Variants in SLC41A3 observed in about 807,000 individuals in gnomAD.
SLC41A3 encodes solute carrier family 41 member 3, also known as SLC41A1-like 2.
A neutral mutation model predicts 45.4 loss-of-function variants in SLC41A3; 44 were observed. The observed-to-expected ratio is 0.97, with a 90% CI of 0.76 to 1.25. SLC41A3 has a LOEUF of 1.25. Ranked by LOEUF, SLC41A3 falls within the 50% of genes most tolerant of loss-of-function variation. SLC41A3 has a pLI of 0.00. For synonymous variants in SLC41A3, 256 were observed against 252.4 expected (o/e 1.01, Z -0.13); for missense variants, 550 against 600.6 (o/e 0.92, Z 0.88).
intron 1 of SLC41A3, among the ~76,000 whole-genome samples, chr3:126,082,290 C>G (rs1945194581): frequency 6.6e-6 from 1 of 152,192 alleles, no homozygotes; most frequent in African/African-American, 2.4e-5. Context: ...AGGGAGGAGC[C>G]AAGATGCCAG....
intron 3 of SLC41A3, among the ~76,000 whole-genome samples, chr3:126,046,763 A>C (rs61222507): frequency 6.6e-6 from 1 of 151,166 alleles, no homozygotes; most frequent in Admixed American, 6.6e-5. Flanking sequence ...GGAGTTCAAG[A>C]CCAGCCTGGC....
intron 1 of SLC41A3, among the ~76,000 whole-genome samples, chr3:126,078,454 C>T (rs186623117): frequency 8.5e-5 from 13 of 152,188 alleles, no homozygotes; most frequent in African/African-American, 2.9e-4. Flanking sequence ...GCTGAGCTAT[C>T]GGCCGGCTCT....
chr3:126,040,020 G>A (rs1942478740), intron 3 of SLC41A3, among the ~76,000 whole-genome samples: 1 of 152,016 alleles, frequency 6.6e-6, no homozygotes, highest in African/African-American at 2.4e-5. Flanking sequence ...TTAGGGCCAG[G>A]GCAAGGAAAA....
chr3:126,055,860 C>G (rs1390512718), intron 2 of SLC41A3, among the ~76,000 whole-genome samples: 1 of 152,070 alleles, frequency 6.6e-6, no homozygotes, highest in African/African-American at 2.4e-5. Context: ...CCTTTTTTAC[C>G]AGGGGCCACG....
At chr3:126,042,194 G>A (rs1942638637) in intron 3 of SLC41A3, among the ~76,000 whole-genome samples, 1 of 152,158 alleles carries the variant, frequency 6.6e-6, no homozygotes, top group Non-Finnish European at 1.5e-5. Flanking sequence ...GGAAATGTAG[G>A]CCCATGCGTG....
chr3:126,023,092 G>T, intron 5 of SLC41A3, 160 bp from the exon 6 acceptor site: 1 of 947,302 alleles, frequency 1.1e-6, no homozygotes, highest in Non-Finnish European at 1.6e-6. Context: ...TCCTTGACGT[G>T]AAGCCAGGCT....
At chr3:126,080,296 T>C (rs1945086204) in intron 1 of SLC41A3, among the ~76,000 whole-genome samples, 3 of 151,900 alleles carry the variant, frequency 2.0e-5, no homozygotes, top group African/African-American at 7.3e-5. Flanking sequence ...GAAGAAAATA[T>C]CTGAAACCAC....
Position 126,026,309 on chromosome 3 carries a change from GGGCTCACAGCTGGGGCAT to G in SLC41A3, c.598+8_598+25del, listed in dbSNP as rs1431202021. ...CCTCAGAGGAGCAGGGAGCGGGTGG[GGGCTCACAGCTGGGGCAT>G]GGCTCACCCAGGGCAAAGGCTGCAA... On this transcript the variant is annotated splice_region_variant and intron_variant, in intron 5 of 10. Coordinates refer to ENST00000360370, the MANE Select transcript of SLC41A3 (RefSeq NM_017836.4). This position sits in a 1 kb window ranked among gnomAD's most constrained non-coding sequence, Gnocchi z 4.2. 1 of 1,553,380 alleles carries G rather than the reference GGGCTCACAGCTGGGGCAT, an allele frequency of 6.4e-7. No homozygotes were observed. Among genetic ancestry groups the G allele is most frequent in the Admixed American group, 2.0e-5 (1 of 51,138 alleles).
Position 126,056,061 on chromosome 3 carries a change from G to A in SLC41A3, c.274-5011C>T, listed in dbSNP as rs11925492. 5.2e-3 allele frequency among the ~76,000 whole-genome samples: 798 copies of A among 152,306 alleles called. 6 individuals are homozygous for A. Among genetic ancestry groups the A allele is most frequent in the African/African-American group, 0.018 (746 of 41,568 alleles). The stretch of plus-strand genomic sequence containing the variant: ...TGGTGAGTGGCAGACTCTGCCTCCT[G>A]AGCCCACATACACTGGGAGGAAGGC... On this transcript the variant is annotated intron_variant, in intron 2 of 10. Transcript: ENST00000360370.
At chr3:126,065,870 T>C (rs1440260036) in intron 2 of SLC41A3, among the ~76,000 whole-genome samples, 1 of 152,024 alleles carries the variant, frequency 6.6e-6, no homozygotes, top group African/African-American at 2.4e-5. Context: ...AAACACCCCA[T>C]AGAAAAATGA....
chr3:126,057,299 C>T (rs1943733455), intron 2 of SLC41A3: 1 of 395,722 alleles, frequency 2.5e-6, no homozygotes, highest in Admixed American at 6.4e-5. Context: ...AAACATGCTT[C>T]CAAAGTGGCC....
intron 1 of SLC41A3, among the ~76,000 whole-genome samples, chr3:126,080,342 T>C (rs900416348): frequency 6.7e-6 from 1 of 148,582 alleles, no homozygotes; most frequent in Non-Finnish European, 1.5e-5. Flanking sequence ...GAATATATAG[T>C]ACCAGGAATT....
chr3:126,034,439 T>C (rs1942038876), intron 3 of SLC41A3, among the ~76,000 whole-genome samples: 1 of 152,234 alleles, frequency 6.6e-6, no homozygotes, highest in African/African-American at 2.4e-5. Context: ...GAGAAAAATA[T>C]AAAAATGTGC....
At chr3:126,035,456 C>T (rs953833034) in intron 3 of SLC41A3, among the ~76,000 whole-genome samples, 1 of 152,184 alleles carries the variant, frequency 6.6e-6, no homozygotes, top group Admixed American at 6.5e-5. Flanking sequence ...GGAACACAGA[C>T]CGCTACCTAA....
At chr3:126,054,044 A>G (rs534532794) in intron 2 of SLC41A3, among the ~76,000 whole-genome samples, 1 of 152,192 alleles carries the variant, frequency 6.6e-6, no homozygotes, top group African/African-American at 2.4e-5. Flanking sequence ...ACAGTCCCCC[A>G]GCTCTCCCCT....
chr3:126,006,371 ATC>A lies in SLC41A3; in HGVS notation c.*643_*644del, dbSNP rs1336889176. On this transcript the variant is annotated 3_prime_UTR_variant, in exon 11 of 11. Transcript: ENST00000360370. ...GACATAAAGGGTCAAGTACAATATA[ATC>A]TGTTTTATTTTACACTTCTCTGATT... The A allele has an allele frequency of 1.9e-6, 3 of 1,587,638 alleles. No homozygotes were observed. The highest frequency in any genetic ancestry group is 2.6e-6 in the Non-Finnish European group (3 of 1,163,460).
intron 4 of SLC41A3, among the ~76,000 whole-genome samples, chr3:126,032,755 C>T (rs567913259): frequency 1.3e-5 from 2 of 152,174 alleles, no homozygotes; most frequent in African/African-American, 2.4e-5. Context: ...AACCCAGGTG[C>T]GGGATAAAGT....
intron 4 of SLC41A3, among the ~76,000 whole-genome samples, chr3:126,032,166 GAC>G (rs1297452741): frequency 6.6e-6 from 1 of 152,220 alleles, no homozygotes; most frequent in Admixed American, 6.5e-5. Flanking sequence ...AAGCTGGTAA[GAC>G]AGCGCGGCCA....
At chr3:126,033,537 T>G (rs1358784743) in intron 4 of SLC41A3, 70 bp downstream of exon 4, 13 of 1,547,336 alleles carry the variant, frequency 8.4e-6, no homozygotes, top group Non-Finnish European at 1.1e-5. Flanking sequence ...TCGCTTAGCC[T>G]TCACCCTTCC....
Sources: allele counts gnomAD v4.1 joint callset (sites outside exome capture counted in the v4.1 genomes callset), GRCh38; gene constraint gnomAD v4.1.1; non-coding constraint Gnocchi (gnomAD v3.1); transcripts MANE v1.5; gene names NCBI Gene and HGNC (gene_info 2026-07-23, HGNC 2026-07-21).